The following PLIN4 variants were observed in gnomAD, a reference collection of about 807,000 sequenced individuals.
The protein encoded by PLIN4 is perilipin-4.
Under a neutral mutation model 52.4 loss-of-function variants are expected in PLIN4, and 57 were observed. The ratio of observed to expected loss-of-function variants is 1.09; its 90% CI spans 0.88 to 1.36. The LOEUF is 1.36. PLIN4 is among the 40% of genes most tolerant of loss of function. The pLI is 0.00. For missense variants in PLIN4, 1,757 were observed against 1,770.3 expected (o/e 0.99, Z 0.13); for synonymous variants, 826 against 785.4 (o/e 1.05, Z -0.86).
chr19:4,513,131 C>G lies in PLIN4; in HGVS notation c.829G>C (p.Gly277Arg). Residue 277 changes from glycine (G) to arginine (R), a missense_variant, in exon 5 of 8, where the codon GGT becomes CGT. By Grantham distance (125) the Gly-to-Arg change is moderately radical. Around this residue, in one of 7 missense-constraint regions of PLIN4, gnomAD observed 99 missense variants for 143.4 expected, o/e 0.69. Coordinates refer to ENST00000301286, the MANE Select transcript of PLIN4 (RefSeq NM_001367868.2). ...TKDTVCSGVT[G>R]AMNVAKGTIQ... ...GTTCCTTTGGCCACATTCATGGCAC[C>G]AGTCACCCCACTACAGACGGTGTCC... 6 of 370,396 alleles carry G rather than the reference C, an allele frequency of 1.6e-5. No homozygotes were observed. The highest frequency in any genetic ancestry group is 5.8e-5 in the Admixed American group (1 of 17,198). The allele number at this position is 370,396 out of a possible 1,614,324, so 22.9% of individuals were successfully genotyped here.
In PLIN4 at chr19:4,511,408, A is replaced by C. The variant is rs1976330236; in HGVS notation, c.2552T>G (p.Leu851Arg). The C allele has an allele frequency of 2.0e-6, 3 of 1,535,228 alleles. No homozygotes were observed. Among genetic ancestry groups the C allele is most frequent in the Non-Finnish European group, 2.7e-6 (3 of 1,124,464 alleles). ...TGTTGCGATATTTTGGGTCGTTTTC[A>C]GCCCAGTTTGCACAGCACCCTTGGC... ...NVAKGAVQTG[L>R]KTTQNIATGT... Residue 851 changes from leucine to arginine, a missense_variant, in exon 5 of 8, where the codon CTG becomes CGG. Leu to Arg is a moderately radical substitution (Grantham distance 102). Around this residue, in one of 7 missense-constraint regions of PLIN4, gnomAD observed 76 missense variants for 109.1 expected, o/e 0.70. Coordinates refer to ENST00000301286, the MANE Select transcript of PLIN4 (RefSeq NM_001367868.2).
At chr19:4,516,872 C>T (rs1976598086) in intron 3 of PLIN4, among the ~76,000 whole-genome samples, 194 bp from the exon 4 acceptor site, 1 of 152,240 alleles carries the variant, frequency 6.6e-6, no homozygotes. Flanking sequence ...GGGGGCTCCC[C>T]CCAAGCCCAG....
chr19:4,506,480 G>A (rs576443704), intron 6 of PLIN4, among the ~76,000 whole-genome samples: 80 of 152,264 alleles, frequency 5.3e-4, no homozygotes, highest in Admixed American at 1.9e-3. Flanking sequence ...CATCCAACGC[G>A]ACGCCCTATA....
chr19:4,513,930 A>C (rs1449187871), intron 4 of PLIN4, among the ~76,000 whole-genome samples: 1 of 152,144 alleles, frequency 6.6e-6, no homozygotes, highest in Non-Finnish European at 1.5e-5. Flanking sequence ...AGTCCTCATG[A>C]GCTCACAGCG....
chr19:4,514,392 G>A (rs1338963162), intron 4 of PLIN4, among the ~76,000 whole-genome samples: 1 of 152,090 alleles, frequency 6.6e-6, no homozygotes, highest in African/African-American at 2.4e-5. Context: ...AGGCAATAGT[G>A]AGATATGATC....
rs1175455857 is a variant in PLIN4, at chr19:4,510,622, G to A, written c.3338C>T (p.Thr1113Ile). The A allele has an allele frequency of 2.0e-6, 3 of 1,508,738 alleles. No homozygotes were observed. The highest frequency in any genetic ancestry group is 2.3e-5 in the Admixed American group (1 of 43,568). 93.5% of individuals were successfully genotyped at this position (1,508,738 alleles called of 1,614,324 possible). A position where few individuals can be genotyped will look rare whatever the true frequency, so the allele number is the denominator to read the frequency against. The change falls in exon 5 of 8, where the codon ACC (threonine) becomes ATC (isoleucine). Residue 1113 changes from threonine (T) to isoleucine (I), a missense_variant. By Grantham distance (89) the Thr-to-Ile change is moderately conservative. Around this residue, in one of 7 missense-constraint regions of PLIN4, gnomAD observed 712 missense variants for 637.1 expected, o/e 1.12. Transcript: ENST00000301286. ...CGCCACGTCAGTCGCAAGGCCCTTGGTAGTGGCTGCGGCTTCCCAGGCAGG... is the reference window on the plus strand; with the variant it reads ...CGCCACGTCAGTCGCAAGGCCCTTGATAGTGGCTGCGGCTTCCCAGGCAGG... The part of the protein sequence containing the change: ...PEPAWEAAAT[T>I]KGLATDVATF...
In PLIN4 at chr19:4,504,594, T is replaced by C. The variant is rs745638197; in HGVS notation, c.3981A>G (p.Ala1327=). Residue 1327 remains alanine (A), a synonymous_variant, in exon 8 of 8, where the codon GCA becomes GCG. Transcript: ENST00000301286. ...ASAGSVEELP[A]ERLVQSREGV... Reference sequence around the variant, plus strand: ...CCTCGCGGCTCTGCACCAGCCGCTCTGCGGGCAGCTCCTCTACAGAGCCAG... The same window carrying C: ...CCTCGCGGCTCTGCACCAGCCGCTCCGCGGGCAGCTCCTCTACAGAGCCAG... 1.9e-6 allele frequency: 3 copies of C among 1,603,926 alleles called. No homozygotes were observed. Among genetic ancestry groups the C allele is most frequent in the South Asian group, 2.2e-5 (2 of 90,064 alleles).
chr19:4,505,752 C>T (rs1281896751), intron 6 of PLIN4, among the ~76,000 whole-genome samples: 3 of 152,148 alleles, frequency 2.0e-5, no homozygotes, highest in South Asian at 2.1e-4. Flanking sequence ...TCCCAGCCCT[C>T]GCCGCGCCAG....
chr19:4,513,730 G>A, intron 4 of PLIN4, 29 bp from the exon 5 acceptor site: 3 of 1,543,138 alleles, frequency 1.9e-6, no homozygotes, highest in Non-Finnish European at 2.6e-6. Flanking sequence ...GGTGGATCAA[G>A]AGAAGGACTG....
intron 4 of PLIN4, among the ~76,000 whole-genome samples, chr19:4,513,924 C>G (rs1217005553): frequency 6.6e-6 from 1 of 152,220 alleles, no homozygotes; most frequent in East Asian, 1.9e-4. Flanking sequence ...GGATGAAGTC[C>G]TCATGAGCTC....
rs748988837 is a variant in PLIN4, at chr19:4,512,468, T to A, written c.1492A>T (p.Thr498Ser). The change falls in exon 5 of 8, where the codon ACT becomes TCT. Residue 498 changes from threonine to serine, a missense_variant. Around this residue, in one of 7 missense-constraint regions of PLIN4, gnomAD observed 439 missense variants for 406.4 expected, o/e 1.08. Transcript: ENST00000301286. ...AGCCCAGTGGACACAGCATCTTTAG[T>A]GCCAGTCAGGACAGACTTTGTAGTG... is the stretch of plus-strand genomic sequence containing the variant. ...LDTTKSVLTG[T>S]KDAVSTGLTG... 6.2e-7 allele frequency: 1 copy of A among 1,605,876 alleles called. No homozygotes were observed.
rs1976640853 is a variant in PLIN4, at chr19:4,518,183, C to T, written c.51+39G>A. On this transcript the variant is annotated intron_variant, in intron 2 of 7. Coordinates refer to ENST00000301286, the MANE Select transcript of PLIN4 (RefSeq NM_001367868.2). ...ACCTTCCCCGGCTCTGGGGCATCTC[C>T]AGGCCCCAGCAAGAATCTGCCCCAT... 3.3e-6 allele frequency: 4 copies of T among 1,227,798 alleles called. No individual in the cohort carries two copies. In the South Asian group the frequency reaches 1.6e-4, roughly 50 times the overall value. 76.1% of individuals were successfully genotyped at this position (1,227,798 alleles called of 1,614,324 possible).
In PLIN4 at chr19:4,508,296, G is replaced by A. The variant is rs530068517; in HGVS notation, c.3702+472C>T. The stretch of plus-strand genomic sequence containing the variant: ...TTTTGAGACAGAGTCTTGCTCTGTC[G>A]CCCAGGCTGGAGTGCAGTGGCACCA... On this transcript the variant is annotated intron_variant, in intron 6 of 7. Coordinates refer to ENST00000301286, the MANE Select transcript of PLIN4 (RefSeq NM_001367868.2). 1.1e-4 allele frequency among the ~76,000 whole-genome samples: 16 copies of A among 152,050 alleles called. No homozygotes were observed. In the Middle Eastern group the frequency reaches 0.01, roughly 97 times the overall value.
At position 4,512,656 on chromosome 19, in the gene PLIN4, G is replaced by T; in HGVS notation, c.1304C>A (p.Thr435Asn). The change falls in exon 5 of 8, where the codon ACC (threonine) becomes AAC (asparagine). Residue 435 changes from threonine (T) to asparagine (N), a missense_variant. Thr to Asn is a moderately conservative substitution (Grantham distance 65, BLOSUM62 0). Transcript: ENST00000301286. Reference protein sequence around the residue: ...TQNIATGTKDTVCSGVTGAMN... With the variant: ...TQNIATGTKDNVCSGVTGAMN... ...GGCACCAGTCACCCCACTGCAGACG[G>T]TGTCCTTTGTACCTGTTGCGATATT... 1.3e-6 allele frequency: 2 copies of T among 1,571,814 alleles called. No individual in the cohort carries two copies. Among genetic ancestry groups the T allele is most frequent in the Non-Finnish European group, 8.6e-7 (1 of 1,161,546 alleles).
At position 4,510,445 on chromosome 19, in the gene PLIN4, C is replaced by T. The variant is rs760204662; in HGVS notation, c.3514+1G>A. Reference sequence around the variant, plus strand: ...ACCCATGAACCCAGGCGTCCCCTCACCTTGCTCCTCCGCATTCATGGGGTG... The same window carrying T: ...ACCCATGAACCCAGGCGTCCCCTCATCTTGCTCCTCCGCATTCATGGGGTG... On this transcript the variant is annotated splice_donor_variant, in intron 5 of 7. Transcript: ENST00000301286. LOFTEE classifies it high-confidence loss of function. The T allele has an allele frequency of 1.4e-6, 2 of 1,415,468 alleles. No homozygotes were observed. Among genetic ancestry groups the T allele is most frequent in the African/African-American group, 1.4e-5 (1 of 69,160 alleles). The allele number at this position is 1,415,468 out of a possible 1,614,324, so 87.7% of individuals were successfully genotyped here.
intron 6 of PLIN4, among the ~76,000 whole-genome samples, chr19:4,507,941 G>A (rs752177864): frequency 2.6e-4 from 39 of 152,150 alleles, no homozygotes; most frequent in Non-Finnish European, 3.8e-4. Flanking sequence ...AGGGGTGGAC[G>A]ACTCTGGCCA....
chr19:4,518,326 C>A, intron 1 of PLIN4, 37 bp from the exon 2 acceptor site: 2 of 1,231,688 alleles, frequency 1.6e-6, no homozygotes, highest in Non-Finnish European at 1.0e-6. Flanking sequence ...AATGGGGGTT[C>A]CCTAGCCTCC....
intron 6 of PLIN4, among the ~76,000 whole-genome samples, chr19:4,505,585 G>A (rs763707082): frequency 6.6e-6 from 1 of 152,168 alleles, no homozygotes; most frequent in Non-Finnish European, 1.5e-5. Flanking sequence ...GCCCCTGGCA[G>A]GGGAACACTC....
intron 2 of PLIN4, 135 bp from the exon 3 acceptor site, chr19:4,517,833 C>T: frequency 8.5e-7 from 1 of 1,179,998 alleles, no homozygotes; most frequent in Non-Finnish European, 1.2e-6. Flanking sequence ...GTGTTTCAGC[C>T]ACTCAGCCTC....
Sources: gnomAD v4.1 joint callset for allele counts (sites outside exome capture counted in the v4.1 genomes callset) on GRCh38, gnomAD v4.1.1 for gene constraint, gnomAD v4.1.1 regional missense constraint, MANE v1.5 for transcripts, NCBI Gene and HGNC (gene_info 2026-07-23, HGNC 2026-07-21) for gene names.